The following LYN variants were observed in gnomAD, a reference collection of about 807,000 sequenced individuals.
The protein encoded by LYN is LYN proto-oncogene, Src family tyrosine kinase.
In LYN, 12 loss-of-function variants were observed where a neutral mutation model predicts 65.0. That is an observed-to-expected ratio of 0.18 (90% CI 0.12 to 0.30). LYN has a LOEUF of 0.30. Ranked by LOEUF, LYN falls within the 10% of genes least tolerant of loss-of-function variation. LYN has a pLI of 1.00. For synonymous variants in LYN, 222 were observed against 221.2 expected (o/e 1.00, Z -0.03); for missense variants, 380 against 623.2 (o/e 0.61, Z 4.16).
At chr8:55,955,111 G>A (rs1378406987) in intron 8 of LYN, 1 of 152,156 alleles carries the variant, frequency 6.6e-6, no homozygotes, top group Admixed American at 6.6e-5. Context: ...CTCCAGCCCC[G>A]GCAGAACAGA....
At chr8:55,914,068 A>G (rs998236176) in intron 1 of LYN, among the ~76,000 whole-genome samples, 6 of 152,052 alleles carry the variant, frequency 3.9e-5, no homozygotes, top group African/African-American at 1.4e-4. Context: ...AGCATGCAGC[A>G]TGGAGAATGG....
chr8:56,008,227 A>G (rs1312662311), intron 12 of LYN, among the ~76,000 whole-genome samples: 8 of 152,238 alleles, frequency 5.3e-5, no homozygotes. Flanking sequence ...GTGCCCCGCA[A>G]TTTGAAAAAC....
chr8:55,882,551 G>A (rs892010408), intron 1 of LYN, among the ~76,000 whole-genome samples: 1 of 152,170 alleles, frequency 6.6e-6, no homozygotes, highest in South Asian at 2.1e-4. Context: ...TCCTACTGAT[G>A]ATCTCAGTGA....
intron 2 of LYN, among the ~76,000 whole-genome samples, chr8:55,942,354 T>TGG (rs1806641110): frequency 6.9e-6 from 1 of 144,226 alleles, no homozygotes; most frequent in Non-Finnish European, 1.5e-5. Flanking sequence ...TGTATATATA[T>TGG]GTGTATATAT....
chr8:55,987,152 C>T (rs1338365310), intron 10 of LYN, among the ~76,000 whole-genome samples: 2 of 152,016 alleles, frequency 1.3e-5, no homozygotes, highest in African/African-American at 2.4e-5. Context: ...GTGGCTCATG[C>T]GTGTAATTTC....
chr8:55,936,759 G>T (rs1806448235), intron 1 of LYN, among the ~76,000 whole-genome samples: 1 of 152,110 alleles, frequency 6.6e-6, no homozygotes, highest in South Asian at 2.1e-4. Context: ...CAAATAGCCG[G>T]AAGAGCAAAT....
intron 12 of LYN, among the ~76,000 whole-genome samples, chr8:56,002,253 A>C (rs986096576): frequency 2.6e-5 from 4 of 152,074 alleles, no homozygotes; most frequent in Non-Finnish European, 5.9e-5. Flanking sequence ...CCCCATCTCT[A>C]CTAAAAATAA....
chr8:55,987,774 T>C (rs1808122618), intron 10 of LYN, among the ~76,000 whole-genome samples: 1 of 152,184 alleles, frequency 6.6e-6, no homozygotes, highest in Admixed American at 6.5e-5. Context: ...GAGCACAGAC[T>C]CTTAAGCCTG....
At chr8:55,900,382 T>A (rs1805226229) in intron 1 of LYN, among the ~76,000 whole-genome samples, 1 of 152,048 alleles carries the variant, frequency 6.6e-6, no homozygotes, top group South Asian at 2.1e-4. Context: ...TTATTTTTAA[T>A]TTTTTTTAGG....
At chr8:55,966,089 C>T (rs1807447875) in intron 8 of LYN, among the ~76,000 whole-genome samples, 1 of 152,122 alleles carries the variant, frequency 6.6e-6, no homozygotes, top group Non-Finnish European at 1.5e-5. Context: ...CGTGCCACTA[C>T]ACTCCAGCCT....
chr8:55,993,234 A>G (rs1808294894), intron 10 of LYN, among the ~76,000 whole-genome samples: 1 of 152,232 alleles, frequency 6.6e-6, no homozygotes, highest in Non-Finnish European at 1.5e-5. Flanking sequence ...ACAATGTTCT[A>G]GACAGAGACA....
chr8:55,946,281 G>A (rs1175391448), intron 2 of LYN, among the ~76,000 whole-genome samples, 167 bp from the exon 3 acceptor site: 2 of 152,206 alleles, frequency 1.3e-5, no homozygotes, highest in African/African-American at 4.8e-5. Context: ...GCCAAGCAGG[G>A]CAGGATGCAC....
Position 55,879,946 on chromosome 8 carries a change from C to G in LYN, c.-163C>G. 1 of 216,940 alleles carries G rather than the reference C, an allele frequency of 4.6e-6. No individual in the cohort carries two copies. The highest frequency in any genetic ancestry group is 5.9e-5 in the South Asian group (1 of 16,988). The allele number at this position is 216,940 out of a possible 1,614,324, so 13.4% of individuals were successfully genotyped here. On this transcript the variant is annotated 5_prime_UTR_variant, in exon 1 of 13. Transcript: ENST00000519728. ...CGCGGCAAGCGGGGCGGCCGCGCCA[C>G]CCCCGGCCCCGCGCCAGCAGCCCCT...
At chr8:55,901,125 G>A (rs1217243338) in intron 1 of LYN, among the ~76,000 whole-genome samples, 2 of 152,244 alleles carry the variant, frequency 1.3e-5, no homozygotes, top group Admixed American at 6.5e-5. Flanking sequence ...CTTCGTGGCC[G>A]TGTGTCTCAT....
At chr8:55,992,211 A>C (rs1416246100) in intron 10 of LYN, among the ~76,000 whole-genome samples, 1 of 152,200 alleles carries the variant, frequency 6.6e-6, no homozygotes, top group African/African-American at 2.4e-5. Context: ...CCTAAGATGA[A>C]GAGAATCTCC....
chr8:55,999,316 G>C, intron 11 of LYN, 102 bp from the exon 12 acceptor site: 2 of 1,024,630 alleles, frequency 2.0e-6, no homozygotes, highest in Non-Finnish European at 2.9e-6. Flanking sequence ...GTGAAACTCC[G>C]CCTCAAAAAA....
At chr8:55,928,231 C>T (rs1166109599) in intron 1 of LYN, among the ~76,000 whole-genome samples, 3 of 152,154 alleles carry the variant, frequency 2.0e-5, no homozygotes, top group Admixed American at 6.5e-5. Flanking sequence ...CTGCAACCTC[C>T]GCCTCCTGAG....
chr8:55,906,604 G>A (rs1468221608), intron 1 of LYN, among the ~76,000 whole-genome samples: 6 of 104,152 alleles, frequency 5.8e-5, no homozygotes, highest in Non-Finnish European at 1.3e-4. Context: ...TAATCCACCT[G>A]TCTCAGCCTC....
chr8:55,984,791 G>T (rs1808029935), intron 10 of LYN, among the ~76,000 whole-genome samples: 1 of 152,252 alleles, frequency 6.6e-6, no homozygotes, highest in African/African-American at 2.4e-5. Context: ...AATGCAGGGG[G>T]AAGCCCCCAT....
Sources: allele counts gnomAD v4.1 joint callset (sites outside exome capture counted in the v4.1 genomes callset), GRCh38; gene constraint gnomAD v4.1.1; transcripts MANE v1.5; gene names NCBI Gene and HGNC (gene_info 2026-07-23, HGNC 2026-07-21).